The following CA10 variants were observed in gnomAD, a reference collection of about 807,000 sequenced individuals.
The protein encoded by CA10 is carbonic anhydrase-related protein 10.
CA10 carries 14 observed loss-of-function variants against 44.2 expected under a neutral mutation model. That is an observed-to-expected ratio of 0.32 (90% CI 0.21 to 0.50). The LOEUF is 0.50. CA10 is among the 20% of genes least tolerant of loss of function. The pLI, the probability that CA10 is intolerant of heterozygous loss-of-function variation, is 0.99. For missense variants in CA10, 350 were observed against 409.7 expected (o/e 0.85, Z 1.26); for synonymous variants, 159 against 141.6 (o/e 1.12, Z -0.87).
At chr17:51,826,281 A>G (rs1315088366) in intron 3 of CA10, among the ~76,000 whole-genome samples, 1 of 152,240 alleles carries the variant, frequency 6.6e-6, no homozygotes, top group Non-Finnish European at 1.5e-5. Flanking sequence ...GGACACCGTC[A>G]GCAAAGTTCA....
At chr17:51,868,160 CCT>C (rs747010308) in intron 3 of CA10, among the ~76,000 whole-genome samples, 9 of 151,480 alleles carry the variant, frequency 5.9e-5, no homozygotes, top group Admixed American at 1.3e-4. Flanking sequence ...GCTCGCTCTC[CCT>C]CTTTCTTTTT....
intron 3 of CA10, among the ~76,000 whole-genome samples, chr17:51,906,979 C>T (rs1981582694): frequency 6.6e-6 from 1 of 152,156 alleles, no homozygotes; most frequent in Non-Finnish European, 1.5e-5. Flanking sequence ...GTACAGTCAG[C>T]TTCACACAGC....
chr17:51,807,750 G>T (rs141131536), intron 3 of CA10, among the ~76,000 whole-genome samples: 85 of 152,304 alleles, frequency 5.6e-4, no homozygotes, highest in African/African-American at 2.0e-3. Flanking sequence ...ATGTGCAAAA[G>T]AAGTCAGACA....
intron 4 of CA10, among the ~76,000 whole-genome samples, chr17:51,731,245 C>T (rs1916706121): frequency 6.6e-6 from 1 of 152,146 alleles, no homozygotes; most frequent in African/African-American, 2.4e-5. Context: ...GGCATGGTGG[C>T]ATGTGCCTGT....
intron 3 of CA10, among the ~76,000 whole-genome samples, chr17:51,885,304 G>T (rs1014188026): frequency 1.3e-5 from 2 of 152,092 alleles, no homozygotes; most frequent in African/African-American, 2.4e-5. Flanking sequence ...GAGGACGAAG[G>T]TCCAAACAAT....
chr17:51,803,884 C>T (rs1907029905), intron 3 of CA10, among the ~76,000 whole-genome samples: 1 of 152,168 alleles, frequency 6.6e-6, no homozygotes. Context: ...ATCAAAGAGT[C>T]TTTCTTCTAC....
At chr17:51,642,927 G>A (rs1214266517) in intron 6 of CA10, among the ~76,000 whole-genome samples, 2 of 152,168 alleles carry the variant, frequency 1.3e-5, no homozygotes, top group East Asian at 1.9e-4. Context: ...ATAAGTGTGA[G>A]TCAACACGCC....
intron 2 of CA10, among the ~76,000 whole-genome samples, chr17:51,988,481 T>G (rs1242868720): frequency 6.6e-6 from 1 of 152,050 alleles, no homozygotes; most frequent in East Asian, 1.9e-4. Context: ...AAACAGAATT[T>G]AAACAGTGGT....
intron 3 of CA10, among the ~76,000 whole-genome samples, chr17:51,774,650 C>T (rs993938293): frequency 1.3e-5 from 2 of 151,928 alleles, no homozygotes; most frequent in Admixed American, 6.6e-5. Flanking sequence ...CACCGTGTTG[C>T]CTAGGCTGGT....
intron 4 of CA10, among the ~76,000 whole-genome samples, chr17:51,689,554 T>A (rs1280956598): frequency 3.3e-5 from 5 of 152,220 alleles, no homozygotes; most frequent in African/African-American, 1.2e-4. Flanking sequence ...ATAATGGGGT[T>A]ATTGAGATAT....
At chr17:52,108,646 G>A (rs1294363779) in intron 1 of CA10, among the ~76,000 whole-genome samples, 1 of 141,424 alleles carries the variant, frequency 7.1e-6, no homozygotes, top group Admixed American at 7.7e-5. Flanking sequence ...GTTGCAGTGA[G>A]CAAAGATTGA....
intron 2 of CA10, among the ~76,000 whole-genome samples, chr17:52,068,865 T>G (rs571497961): frequency 9.2e-5 from 14 of 152,356 alleles, no homozygotes; most frequent in Admixed American, 5.9e-4. Flanking sequence ...AATGTATTAC[T>G]CTGGGTTCTC....
intron 3 of CA10, among the ~76,000 whole-genome samples, chr17:51,804,833 C>A (rs1188918836): frequency 1.3e-5 from 2 of 152,164 alleles, no homozygotes; most frequent in Non-Finnish European, 2.9e-5. Flanking sequence ...GCAAAATCAA[C>A]CATAAGGGTT....
intron 2 of CA10, among the ~76,000 whole-genome samples, chr17:52,036,715 A>G (rs1236267078): frequency 1.3e-5 from 2 of 152,230 alleles, no homozygotes; most frequent in Admixed American, 1.3e-4. Flanking sequence ...CATAGGGATA[A>G]TAAAAGAACT....
intron 2 of CA10, among the ~76,000 whole-genome samples, chr17:52,015,747 C>G (rs1451699192): frequency 1.3e-5 from 2 of 152,102 alleles, no homozygotes; most frequent in African/African-American, 4.8e-5. Flanking sequence ...GCAAAATTTG[C>G]ATATAATTTC....
At chr17:52,062,803 C>T (rs1987425703) in intron 2 of CA10, among the ~76,000 whole-genome samples, 1 of 152,226 alleles carries the variant, frequency 6.6e-6, no homozygotes, top group African/African-American at 2.4e-5. Context: ...CAGGCAGAAG[C>T]CTTCTGCAGG....
At chr17:51,801,636 C>T (rs1375251085) in intron 3 of CA10, among the ~76,000 whole-genome samples, 2 of 152,070 alleles carry the variant, frequency 1.3e-5, no homozygotes, top group African/African-American at 4.8e-5. Context: ...GAAGAGTAAG[C>T]AGTGTGGTAG....
At chr17:52,019,916 A>ATATATG (rs1314413466) in intron 2 of CA10, among the ~76,000 whole-genome samples, 1 of 151,876 alleles carries the variant, frequency 6.6e-6, no homozygotes, top group African/African-American at 2.4e-5. Flanking sequence ...ATATACATAT[A>ATATATG]TATATGTATA....
intron 6 of CA10, among the ~76,000 whole-genome samples, chr17:51,648,322 G>C (rs1197179059): frequency 6.6e-6 from 1 of 152,004 alleles, no homozygotes; most frequent in African/African-American, 2.4e-5. Context: ...TTTACCTATT[G>C]CTTGATTCAG....
Sources: allele counts gnomAD v4.1 joint callset (sites outside exome capture counted in the v4.1 genomes callset), GRCh38; gene constraint gnomAD v4.1.1; transcripts MANE v1.5; gene names NCBI Gene and HGNC (gene_info 2026-07-23, HGNC 2026-07-21).